PACS2: variants seen among roughly 807,000 people sequenced by gnomAD.
PACS2 encodes the protein PACS1-like protein.
Under a neutral mutation model 113.0 loss-of-function variants are expected in PACS2, and 36 were observed. The observed-to-expected ratio is 0.32, with a 90% CI of 0.24 to 0.42. PACS2 has a LOEUF of 0.42. PACS2 is among the 10% of genes least tolerant of loss of function. The probability of loss-of-function intolerance (pLI) is 1.00; values close to 1 mark genes in which losing one functional copy is unlikely to be tolerated. For missense variants in PACS2, 1,015 were observed against 1,239.5 expected (o/e 0.82, Z 2.72); for synonymous variants, 589 against 536.1 (o/e 1.10, Z -1.36).
At chr14:105,353,092 C>T (rs1365893519) in intron 3 of PACS2, among the ~76,000 whole-genome samples, 9 of 115,292 alleles carry the variant, frequency 7.8e-5, no homozygotes, top group Non-Finnish European at 1.6e-4. Context: ...GGTGACAGGC[C>T]CCCCCCATCA....
rs879970935 is a variant in PACS2, at chr14:105,357,800, G to C, written c.423+2623G>C. 6.6e-6 allele frequency among the ~76,000 whole-genome samples: 1 copy of C among 152,204 alleles called. No individual in the cohort carries two copies. Among genetic ancestry groups the C allele is most frequent in the African/African-American group, 2.4e-5 (1 of 41,460 alleles). ...ACGCCTGAGACGGGGGTGAGGGCAT[G>C]GGTGCTGCCATAGGGACTGTCGTGA... is the stretch of plus-strand genomic sequence containing the variant. On this transcript the variant is annotated intron_variant, in intron 4 of 24. Coordinates refer to ENST00000447393, the MANE Select transcript of PACS2 (RefSeq NM_001100913.3). The surrounding 1 kb of genome is among the most constrained non-coding windows in gnomAD (Gnocchi z 5.1).
Position 105,354,140 on chromosome 14 carries a change from G to A in PACS2, c.298-912G>A, listed in dbSNP as rs587717795. Among the ~76,000 whole-genome samples, 5 of 152,150 alleles carry A rather than the reference G, an allele frequency of 3.3e-5. No homozygotes were observed. The highest frequency in any genetic ancestry group is 2.6e-4 in the Admixed American group (4 of 15,282). On this transcript the variant is annotated intron_variant, in intron 3 of 24. Transcript: ENST00000447393. The surrounding 1 kb of genome is among the most constrained non-coding windows in gnomAD (Gnocchi z 4.2). ...GGCAAAAAAACACTTACTGAGTCAAGGCTATTTTGCTCTTCTATTTAAAAA... is the reference window on the plus strand; with the variant it reads ...GGCAAAAAAACACTTACTGAGTCAAAGCTATTTTGCTCTTCTATTTAAAAA...
intron 4 of PACS2, among the ~76,000 whole-genome samples, chr14:105,360,555 AAAAG>A (rs1390481012): frequency 4.0e-5 from 6 of 151,642 alleles, no homozygotes; most frequent in Non-Finnish European, 8.8e-5. Flanking sequence ...AAAAAAAAAA[AAAAG>A]AAAAGAAAAA....
intron 1 of PACS2, among the ~76,000 whole-genome samples, chr14:105,325,051 C>T (rs1373253428): frequency 6.6e-6 from 1 of 152,106 alleles, no homozygotes; most frequent in Non-Finnish European, 1.5e-5. Context: ...ACCCCCTGGC[C>T]AAGCTGTGGG....
At position 105,394,907 on chromosome 14, in the gene PACS2, A is replaced by G. The variant is rs2141333115; in HGVS notation, c.*235A>G. 2.0e-6 allele frequency: 1 copy of G among 497,074 alleles called. No individual in the cohort carries two copies. Among genetic ancestry groups the G allele is most frequent in the Middle Eastern group, 5.6e-4 (1 of 1,770 alleles). 30.8% of individuals were successfully genotyped at this position (497,074 alleles called of 1,614,324 possible). On this transcript the variant is annotated 3_prime_UTR_variant, in exon 25 of 25. Coordinates refer to ENST00000447393, the MANE Select transcript of PACS2 (RefSeq NM_001100913.3). Reference sequence around the variant, plus strand: ...CCGGGGCTGGGAAGCCAGAAGGACGATGCTGAGCCATGGATCGCGGAAGGC... The same window carrying G: ...CCGGGGCTGGGAAGCCAGAAGGACGGTGCTGAGCCATGGATCGCGGAAGGC...
intron 2 of PACS2, among the ~76,000 whole-genome samples, chr14:105,349,677 C>T (rs1555403457): frequency 3.3e-5 from 5 of 152,266 alleles, no homozygotes; most frequent in African/African-American, 9.6e-5. Flanking sequence ...CTTAAATAAA[C>T]GTCTGGAGAA....
chr14:105,306,287 G>GTTTGTTTTGTTTTGT (rs202210208), intron 1 of PACS2, among the ~76,000 whole-genome samples: 15 of 151,500 alleles, frequency 9.9e-5, no homozygotes, highest in African/African-American at 3.7e-4. Context: ...TTGTTTTTGG[G>GTTTGTTTTGTTTTGT]TTTGTTTTGT....
chr14:105,363,621 CCACT>C (rs1165662362), intron 4 of PACS2, among the ~76,000 whole-genome samples: 3 of 152,166 alleles, frequency 2.0e-5, no homozygotes, highest in African/African-American at 4.8e-5. Context: ...TTCATCCCGG[CCACT>C]CACTCTCTCC....
At chr14:105,382,626 G>T in intron 14 of PACS2, 45 bp downstream of exon 14, 1 of 1,246,228 alleles carries the variant, frequency 8.0e-7, no homozygotes. Flanking sequence ...GTGTAGGACA[G>T]AGGAGAGTGG....
chr14:105,393,320 CAGA>C lies in PACS2; in HGVS notation c.2583_2585del (p.Gln861_Asn862delinsHis). 2 of 1,610,314 alleles carry C rather than the reference CAGA, an allele frequency of 1.2e-6. No individual in the cohort carries two copies. The highest frequency in any genetic ancestry group is 1.7e-6 in the Non-Finnish European group (2 of 1,178,828). ...GCTCATCTGCACTGCCAGGCAGCAG[CAGA>C]ACATGCTGCGGGGTGAGCACCACCG... is the stretch of plus-strand genomic sequence containing the variant. On this transcript the variant is annotated inframe_deletion, in exon 24 of 25. Transcript: ENST00000447393.
At chr14:105,393,396 G>A (rs1394506944) in intron 24 of PACS2, 61 bp downstream of exon 24, 26 of 1,156,384 alleles carry the variant, frequency 2.2e-5, no homozygotes, top group Non-Finnish European at 3.3e-5. Context: ...CAGCAAGGCT[G>A]CTTTGGAGCC....
chr14:105,368,856 C>T (rs587757763), intron 7 of PACS2, among the ~76,000 whole-genome samples: 2 of 152,378 alleles, frequency 1.3e-5, no homozygotes, highest in Admixed American at 1.3e-4. Context: ...TTTGTCCCGT[C>T]AGGTGCCCAC....
intron 4 of PACS2, among the ~76,000 whole-genome samples, chr14:105,362,404 G>A (rs587611025): frequency 3.7e-4 from 54 of 146,298 alleles, no homozygotes; most frequent in Middle Eastern, 7.1e-3. Context: ...GCGACAGAGC[G>A]AGACTCCGTC....
At chr14:105,394,037 C>CAG (rs2081459260) in intron 24 of PACS2, among the ~76,000 whole-genome samples, 1 of 72,086 alleles carries the variant, frequency 1.4e-5, no homozygotes, top group African/African-American at 5.2e-5. Context: ...GACTCCGCCT[C>CAG]AAAAAAAAAA....
chr14:105,350,373 A>G (rs587623858), intron 2 of PACS2, among the ~76,000 whole-genome samples: 64 of 152,086 alleles, frequency 4.2e-4, no homozygotes, highest in African/African-American at 1.5e-3. Context: ...CCCACCCCAC[A>G]CTGACCCTGT....
chr14:105,320,341 C>T (rs1268085016), intron 1 of PACS2, among the ~76,000 whole-genome samples: 7 of 151,968 alleles, frequency 4.6e-5, no homozygotes, highest in African/African-American at 1.7e-4. Context: ...TTGTATTACC[C>T]TTTTTAAAAA....
Position 105,315,109 on chromosome 14 carries a change from GC to G in PACS2, c.119+76del, listed in dbSNP as rs2058512769. 5.2e-6 allele frequency: 5 copies of G among 954,964 alleles called. No homozygotes were observed. The highest frequency in any genetic ancestry group is 5.1e-6 in the Non-Finnish European group (4 of 788,884). The allele number at this position is 954,964 out of a possible 1,614,324, so 59.2% of individuals were successfully genotyped here. A position where few individuals can be genotyped will look rare whatever the true frequency, so the allele number is the denominator to read the frequency against. On this transcript the variant is annotated intron_variant, in intron 1 of 24. Transcript: ENST00000447393. The surrounding 1 kb of genome is among the most constrained non-coding windows in gnomAD (Gnocchi z 4.4). ...GGTGTCCTGGCCGCGGCCTCTGCGC[GC>G]CCCATCCCCGGCCCGGGTCCCCCAG...
At position 105,329,041 on chromosome 14, in the gene PACS2, G is replaced by T. The variant is rs1288045761; in HGVS notation, c.119+14004G>T. ...CCACCTTGCTGTGGGGTTAATTCAG[G>T]GGAGCAGTGGGGAGTGTGCTGGGAG... On this transcript the variant is annotated intron_variant, in intron 1 of 24. Transcript: ENST00000447393. This position sits in a 1 kb window ranked among gnomAD's most constrained non-coding sequence, Gnocchi z 6.4. Among the ~76,000 whole-genome samples the T allele has an allele frequency of 6.6e-6, 1 of 152,236 alleles. No individual in the cohort carries two copies. Among genetic ancestry groups the T allele is most frequent in the Non-Finnish European group, 1.5e-5 (1 of 68,046 alleles).
intron 9 of PACS2, among the ~76,000 whole-genome samples, chr14:105,378,764 C>T (rs1555411137): frequency 6.6e-6 from 1 of 152,242 alleles, no homozygotes; most frequent in East Asian, 1.9e-4. Context: ...CTGTAGGTCT[C>T]CCTTCCTCCT....
Sources: allele counts gnomAD v4.1 joint callset (sites outside exome capture counted in the v4.1 genomes callset), GRCh38; gene constraint gnomAD v4.1.1; non-coding constraint Gnocchi (gnomAD v3.1); transcripts MANE v1.5; gene names NCBI Gene and HGNC (gene_info 2026-07-23, HGNC 2026-07-21).